The following CEP120 variants were observed in gnomAD, a reference collection of about 807,000 sequenced individuals.
The protein encoded by CEP120 is centrosomal protein 120, also known as centrosomal protein of 120 kDa.
Under a neutral mutation model 126.5 loss-of-function variants are expected in CEP120, and 113 were observed. That is an observed-to-expected ratio of 0.89 (90% CI 0.77 to 1.04). The LOEUF is 1.04. CEP120 is among the 50% of genes least tolerant of loss of function. CEP120 has a pLI of 0.00. For missense variants in CEP120, 1,230 were observed against 1,155.7 expected, an observed-to-expected ratio of 1.06 and a Z score of -0.93; for synonymous variants, 400 against 394.3, an observed-to-expected ratio of 1.01 and a Z score of -0.17.
chr5:123,368,779 T>G (rs1488382965), intron 17 of CEP120, among the ~76,000 whole-genome samples: 1 of 151,938 alleles, frequency 6.6e-6, no homozygotes, highest in Non-Finnish European at 1.5e-5. Context: ...AAATGTACAC[T>G]GGAGTTTTCC....
At chr5:123,382,482 T>C (rs1423855085) in intron 13 of CEP120, among the ~76,000 whole-genome samples, 1 of 152,116 alleles carries the variant, frequency 6.6e-6, no homozygotes, top group African/African-American at 2.4e-5. Context: ...AATGAGGACA[T>C]GAAATTTAAA....
chr5:123,375,864 T>C (rs139202304), intron 16 of CEP120, among the ~76,000 whole-genome samples: 1 of 152,238 alleles, frequency 6.6e-6, no homozygotes, highest in Non-Finnish European at 1.5e-5. Flanking sequence ...ACCTAAATAA[T>C]GGCTCTGTGC....
chr5:123,357,104 A>C (rs1013360593), intron 18 of CEP120, among the ~76,000 whole-genome samples: 2 of 152,068 alleles, frequency 1.3e-5, no homozygotes, highest in Non-Finnish European at 2.9e-5. Flanking sequence ...ATGCTATTTT[A>C]CTGTCTTACA....
At chr5:123,371,363 G>C (rs1177081800) in intron 17 of CEP120, among the ~76,000 whole-genome samples, 1 of 152,050 alleles carries the variant, frequency 6.6e-6, no homozygotes, top group African/African-American at 2.4e-5. Flanking sequence ...GGCAGGCAAA[G>C]AGAGAGCTGG....
chr5:123,360,449 A>G (rs1392148061), intron 18 of CEP120, among the ~76,000 whole-genome samples: 1 of 151,924 alleles, frequency 6.6e-6, no homozygotes, highest in Non-Finnish European at 1.5e-5. Context: ...AGTTTGTGGG[A>G]TAAGGATTAA....
rs1768721231 is a variant in CEP120 at position 123,345,156 on chromosome 5, A to C, written c.*1363T>G. 1 of 152,148 alleles carries C rather than the reference A, an allele frequency of 6.6e-6. No homozygotes were observed. Among genetic ancestry groups the C allele is most frequent in the Admixed American group, 6.5e-5 (1 of 15,272 alleles). The allele number at this position is 152,148 out of a possible 1,614,324, so 9.4% of individuals were successfully genotyped here. On this transcript the variant is annotated 3_prime_UTR_variant, in exon 20 of 20. Transcript: ENST00000306467. Reference sequence around the variant, plus strand: ...AAAAATCAATGAGAGAAAAATAGCTAACCATAATTAATATTGCAAATTCCT... The same window carrying C: ...AAAAATCAATGAGAGAAAAATAGCTCACCATAATTAATATTGCAAATTCCT...
At position 123,412,417 on chromosome 5, in the gene CEP120, G is replaced by A; in HGVS notation, c.445C>T (p.Pro149Ser). ...CACAAACCTTTTCCATCTCGAGGGG[G>A]AGCCCCCTTTGCTTTAAAGCTATCC... is the stretch of plus-strand genomic sequence containing the variant. ...PVDSFKAKGA[P>S]PRDGKVPAIL... Residue 149 changes from proline to serine, a missense_variant, in exon 4 of 20, where the codon CCC becomes TCC. Physicochemically the swap from Pro to Ser is moderately conservative, Grantham distance 74 (BLOSUM62 -1). Coordinates refer to ENST00000306467, the MANE Select transcript of CEP120 (RefSeq NM_001375405.1). The A allele has an allele frequency of 1.2e-6, 2 of 1,602,774 alleles. No individual in the cohort carries two copies. Among genetic ancestry groups the A allele is most frequent in the South Asian group, 1.1e-5 (1 of 88,506 alleles).
intron 16 of CEP120, among the ~76,000 whole-genome samples, chr5:123,374,921 C>T (rs1303094487): frequency 2.6e-5 from 4 of 152,068 alleles, no homozygotes. Context: ...TTTTCCTTTG[C>T]TAAGTGATCC....
At chr5:123,398,446 G>A (rs1053247218) in intron 5 of CEP120, among the ~76,000 whole-genome samples, 2 of 152,140 alleles carry the variant, frequency 1.3e-5, no homozygotes, top group African/African-American at 4.8e-5. Context: ...AAGGTAATGT[G>A]TCTTCCTGGA....
At chr5:123,403,229 T>G in intron 4 of CEP120, 1 of 453,510 alleles carries the variant, frequency 2.2e-6, no homozygotes, top group Non-Finnish European at 4.4e-6. Context: ...AGCACCTAGA[T>G]CTTGGCTTCT....
intron 14 of CEP120, 36 bp downstream of exon 14, chr5:123,382,075 C>G: frequency 6.9e-6 from 9 of 1,301,572 alleles, no homozygotes; most frequent in Non-Finnish European, 9.8e-6. Context: ...CATTAATATT[C>G]TTCCTTCTCT....
At chr5:123,404,452 G>A (rs1773510839) in intron 4 of CEP120, among the ~76,000 whole-genome samples, 1 of 152,292 alleles carries the variant, frequency 6.6e-6, no homozygotes, top group South Asian at 2.1e-4. Flanking sequence ...CGGCACAGAA[G>A]AGTATGATTG....
chr5:123,378,111 ATACT>A (rs1448918560), intron 15 of CEP120, among the ~76,000 whole-genome samples: 2 of 150,038 alleles, frequency 1.3e-5, no homozygotes, highest in African/African-American at 4.9e-5. Flanking sequence ...GATAGATGAC[ATACT>A]TACTAATAAC....
rs1206988352 is a variant in CEP120, at chr5:123,372,779, T to TA, written c.2359-8dup. On this transcript the variant is annotated splice_polypyrimidine_tract_variant and splice_region_variant and intron_variant, in intron 16 of 19. Coordinates refer to ENST00000306467, the MANE Select transcript of CEP120 (RefSeq NM_001375405.1). ...TATTTTCAGCATCATTAAGCTGTAT[T>TA]AAAAAAAGTTTAGCCATTTCAAAAC... 9 of 1,585,562 alleles carry TA rather than the reference T, an allele frequency of 5.7e-6. No individual in the cohort carries two copies. The South Asian group carries it at 6.9e-5, about 12-fold the overall frequency.
At position 123,378,369 on chromosome 5, in the gene CEP120, C is replaced by T. The variant is rs1771397247; in HGVS notation, c.2163G>A (p.Lys721=). ...CCACACTAGCAAGCTGCTGCTCTCG[C>T]TTCTCCAAGTCAATTAGAGTTTTTT... The part of the protein sequence containing the change: ...KLQKTLIDLE[K]REQQLASVES... The change falls in exon 15 of 20, where the codon AAG becomes AAA. Residue 721 remains lysine, a synonymous_variant. Coordinates refer to ENST00000306467, the MANE Select transcript of CEP120 (RefSeq NM_001375405.1). 5.0e-6 allele frequency: 8 copies of T among 1,608,664 alleles called. No individual in the cohort carries two copies. Among genetic ancestry groups the T allele is most frequent in the Non-Finnish European group, 6.8e-6 (8 of 1,177,912 alleles).
intron 1 of CEP120, chr5:123,422,542 T>C (rs567051168): frequency 4.2e-5 from 65 of 1,535,412 alleles, no homozygotes; most frequent in Middle Eastern, 1.7e-4. Flanking sequence ...GTAAAGGGAA[T>C]TGCCTCCGGA....
chr5:123,406,089 G>T (rs1309656745), intron 4 of CEP120, among the ~76,000 whole-genome samples: 1 of 152,052 alleles, frequency 6.6e-6, no homozygotes, highest in Non-Finnish European at 1.5e-5. Flanking sequence ...TCATTAGTAG[G>T]TGGGACACAG....
intron 17 of CEP120, among the ~76,000 whole-genome samples, chr5:123,367,184 C>T (rs1770526248): frequency 6.6e-6 from 1 of 151,884 alleles, no homozygotes; most frequent in Non-Finnish European, 1.5e-5. Flanking sequence ...TACTTTTTCT[C>T]TTCCTGTCTC....
chr5:123,403,279 A>G (rs1247255052), intron 4 of CEP120: 4 of 456,176 alleles, frequency 8.8e-6, no homozygotes, highest in Non-Finnish European at 1.8e-5. Flanking sequence ...GGCTCCTTAG[A>G]GAAATGGCTG....
Sources: gnomAD v4.1 joint callset for allele counts (sites outside exome capture counted in the v4.1 genomes callset) on GRCh38, gnomAD v4.1.1 for gene constraint, MANE v1.5 for transcripts, NCBI Gene and HGNC (gene_info 2026-07-23, HGNC 2026-07-21) for gene names.